The following DGKB variants were observed in gnomAD, a reference collection of about 807,000 sequenced individuals.
DGKB encodes 90 kDa diacylglycerol kinase.
Under a neutral mutation model 114.3 loss-of-function variants are expected in DGKB, and 67 were observed. That is an observed-to-expected ratio of 0.59 (90% CI 0.48 to 0.72). The LOEUF is 0.72. DGKB is among the 30% of genes least tolerant of loss of function. The probability of loss-of-function intolerance (pLI) is 0.00; values close to 1 mark genes in which losing one functional copy is unlikely to be tolerated. For missense variants in DGKB, 907 were observed against 975.2 expected, an observed-to-expected ratio of 0.93 and a Z score of 0.93; for synonymous variants, 398 against 323.1, an observed-to-expected ratio of 1.23 and a Z score of -2.49.
chr7:14,726,598 G>T (rs12540121), intron 5 of DGKB, among the ~76,000 whole-genome samples: 1 of 152,064 alleles, frequency 6.6e-6, no homozygotes, highest in African/African-American at 2.4e-5. Flanking sequence ...ACATTTGAAA[G>T]AAAATTAGAA....
At chr7:14,954,449 A>C (rs975732234) in intron 1 of DGKB, among the ~76,000 whole-genome samples, 1 of 152,120 alleles carries the variant, frequency 6.6e-6, no homozygotes, top group African/African-American at 2.4e-5. Flanking sequence ...AGTTAAAGCA[A>C]ATCATTAATG....
At chr7:14,878,741 T>C (rs1409060011) in intron 1 of DGKB, among the ~76,000 whole-genome samples, 1 of 117,514 alleles carries the variant, frequency 8.5e-6, no homozygotes, top group Non-Finnish European at 1.7e-5. Context: ...AGCGTGAGAC[T>C]CCGTCTCAAA....
At chr7:14,839,613 T>A (rs957661648) in intron 2 of DGKB, among the ~76,000 whole-genome samples, 1 of 151,740 alleles carries the variant, frequency 6.6e-6, no homozygotes, top group South Asian at 2.1e-4. Context: ...TTTTGCCCAG[T>A]CTAGTCATGA....
intron 9 of DGKB, among the ~76,000 whole-genome samples, chr7:14,687,950 T>A (rs1406901578): frequency 6.6e-6 from 1 of 152,230 alleles, no homozygotes; most frequent in Non-Finnish European, 1.5e-5. Flanking sequence ...TAAAATGCTT[T>A]ACCAAAAAAC....
Position 14,939,038 on chromosome 7 carries a change from A to C in DGKB, c.-188+35658T>G, listed in dbSNP as rs559490534. ...AGATTCACACACATTGCTGTCCTATAAAGACCATAAGCCTTTCTCTATTTT... is the reference window on the plus strand; with the variant it reads ...AGATTCACACACATTGCTGTCCTATCAAGACCATAAGCCTTTCTCTATTTT... On this transcript the variant is annotated intron_variant, in intron 1 of 4. Coordinates refer to the DGKB transcript ENST00000437998. 2.6e-5 allele frequency among the ~76,000 whole-genome samples: 4 copies of C among 151,740 alleles called. No individual in the cohort carries two copies. The East Asian group carries it at 7.7e-4, about 29-fold the overall frequency.
At chr7:14,573,383 A>G (rs1273764304) in intron 20 of DGKB, among the ~76,000 whole-genome samples, 2 of 151,984 alleles carry the variant, frequency 1.3e-5, no homozygotes, top group Non-Finnish European at 2.9e-5. Flanking sequence ...TTGCTTAAAG[A>G]CTTTTACCCA....
chr7:14,768,311 A>C (rs896511485), intron 2 of DGKB, among the ~76,000 whole-genome samples: 1 of 151,918 alleles, frequency 6.6e-6, no homozygotes, highest in Non-Finnish European at 1.5e-5. Context: ...GTAGTTGAAG[A>C]ATTTGCTTCC....
intron 23 of DGKB, among the ~76,000 whole-genome samples, chr7:14,247,247 T>C (rs1428631819): frequency 2.5e-5 from 3 of 118,704 alleles, no homozygotes; most frequent in African/African-American, 5.2e-5. Context: ...TTTCTTTATC[T>C]ATCCATGAAC....
At chr7:14,411,986 C>G (rs148699937) in intron 21 of DGKB, among the ~76,000 whole-genome samples, 103 of 152,182 alleles carry the variant, frequency 6.8e-4, no homozygotes, top group Non-Finnish European at 1.3e-3. Flanking sequence ...ACCAGAAAAT[C>G]AAGTTGTATA....
chr7:14,814,364 T>A (rs1189477511), intron 2 of DGKB, among the ~76,000 whole-genome samples: 1 of 152,158 alleles, frequency 6.6e-6, no homozygotes, highest in East Asian at 1.9e-4. Flanking sequence ...ATGGGATTTT[T>A]AAAATGATAA....
At chr7:14,629,760 C>A (rs1277469682) in intron 14 of DGKB, among the ~76,000 whole-genome samples, 1 of 152,084 alleles carries the variant, frequency 6.6e-6, no homozygotes, top group Non-Finnish European at 1.5e-5. Context: ...TATACAATGG[C>A]ATGGGCTAGG....
intron 20 of DGKB, among the ~76,000 whole-genome samples, chr7:14,520,210 A>AT (rs386409562): frequency 0.063 from 7,533 of 119,020 alleles, 325 homozygotes; most frequent in African/African-American, 0.087. Context: ...CTTTTTTCCT[A>AT]TTTTTTTTTT....
At chr7:14,804,573 G>C (rs1842574433) in intron 2 of DGKB, among the ~76,000 whole-genome samples, 1 of 151,618 alleles carries the variant, frequency 6.6e-6, no homozygotes, top group African/African-American at 2.4e-5. Context: ...TTCAATTCTA[G>C]ACAATTCATG....
intron 19 of DGKB, among the ~76,000 whole-genome samples, chr7:14,580,387 T>A (rs1799752354): frequency 6.6e-6 from 1 of 152,216 alleles, no homozygotes; most frequent in East Asian, 1.9e-4. Context: ...TTGTCAACTC[T>A]GTATCCAAAG....
chr7:14,683,503 T>C (rs1821179817), intron 10 of DGKB, among the ~76,000 whole-genome samples: 1 of 152,160 alleles, frequency 6.6e-6, no homozygotes. Context: ...TATGTATATA[T>C]ATAATACGTG....
chr7:14,786,589 C>T (rs1407990246), intron 2 of DGKB, among the ~76,000 whole-genome samples: 1 of 152,248 alleles, frequency 6.6e-6, no homozygotes, highest in Non-Finnish European at 1.5e-5. Context: ...CACTCCCAGG[C>T]ACAGCTGCGG....
chr7:14,602,322 A>G (rs2128767163), intron 17 of DGKB, among the ~76,000 whole-genome samples: 1 of 152,238 alleles, frequency 6.6e-6, no homozygotes, highest in Middle Eastern at 3.4e-3. Flanking sequence ...ACAAATTAAG[A>G]CTTTGAGACT....
chr7:14,919,094 A>AT (rs1491494072), intron 1 of DGKB, among the ~76,000 whole-genome samples: 1 of 131,458 alleles, frequency 7.6e-6, no homozygotes, highest in East Asian at 2.8e-4. Context: ...ACACACACAC[A>AT]AACACACACA....
chr7:14,312,277 A>G (rs78150886), intron 23 of DGKB, among the ~76,000 whole-genome samples: 2,711 of 152,284 alleles, frequency 0.018, 84 homozygotes, highest in African/African-American at 0.062. Context: ...AGTTCTGCAA[A>G]TGTGGTCTTT....
Sources: gnomAD v4.1 joint callset for allele counts (sites outside exome capture counted in the v4.1 genomes callset) on GRCh38, gnomAD v4.1.1 for gene constraint, MANE v1.5 for transcripts, NCBI Gene and HGNC (gene_info 2026-07-23, HGNC 2026-07-21) for gene names.